The following CADPS2 variants were observed in gnomAD, a reference collection of about 807,000 sequenced individuals.
CADPS2 encodes the protein calcium-dependent secretion activator 2.
In CADPS2, 93 loss-of-function variants were observed where a neutral mutation model predicts 172.5. The observed-to-expected ratio is 0.54, with a 90% confidence interval of 0.46 to 0.64. The LOEUF (loss-of-function observed/expected upper bound fraction) is 0.64. Ranked by LOEUF, CADPS2 falls within the 30% of genes least tolerant of loss-of-function variation. The pLI, the probability that CADPS2 is intolerant of heterozygous loss-of-function variation, is 0.00. For synonymous variants in CADPS2, 546 were observed against 555.2 expected (o/e 0.98, Z 0.23); for missense variants, 1,420 against 1,565.9 (o/e 0.91, Z 1.57).
chr7:122,660,527 T>C (rs574088248), intron 3 of CADPS2, among the ~76,000 whole-genome samples: 1 of 151,618 alleles, frequency 6.6e-6, no homozygotes, highest in African/African-American at 2.4e-5. Flanking sequence ...TAAAATTTAA[T>C]CCAACTACAT....
intron 8 of CADPS2, among the ~76,000 whole-genome samples, chr7:122,519,200 C>T (rs749575897): frequency 2.0e-5 from 3 of 151,982 alleles, no homozygotes; most frequent in Non-Finnish European, 4.4e-5. Flanking sequence ...CACATATTTC[C>T]AAAGCTAATT....
rs569943178 is a variant in CADPS2 at position 122,579,091 on chromosome 7, C to A, written c.1335+2088G>T. On this transcript the variant is annotated intron_variant, in intron 7 of 29. Coordinates refer to ENST00000449022, the MANE Select transcript of CADPS2 (RefSeq NM_017954.11). ...GAGTACGGAAGTTGGATACACAAATCTGAATCTACAAGAAAAATAGTAACA... is the reference window on the plus strand; with the variant it reads ...GAGTACGGAAGTTGGATACACAAATATGAATCTACAAGAAAAATAGTAACA... Among the ~76,000 whole-genome samples the A allele has an allele frequency of 1.4e-4, 22 of 152,134 alleles. No individual in the cohort carries two copies. The East Asian group carries it at 3.9e-3, about 27-fold the overall frequency.
intron 1 of CADPS2, among the ~76,000 whole-genome samples, chr7:122,809,632 C>G (rs749236858): frequency 2.6e-5 from 4 of 151,708 alleles, no homozygotes; most frequent in Non-Finnish European, 4.4e-5. Flanking sequence ...TGATGTTCCC[C>G]AGTTAAATAT....
chr7:122,537,245 AG>A (rs1489649320), intron 8 of CADPS2, among the ~76,000 whole-genome samples: 3 of 151,752 alleles, frequency 2.0e-5, no homozygotes, highest in Non-Finnish European at 4.4e-5. Context: ...TATTTGTCCT[AG>A]GTTGTTTAGA....
chr7:122,596,717 T>C (rs2071853856), intron 6 of CADPS2, among the ~76,000 whole-genome samples: 1 of 151,974 alleles, frequency 6.6e-6, no homozygotes. Context: ...CAGAAGACAA[T>C]GATGTGCAGA....
chr7:122,431,484 G>A (rs147798394), intron 17 of CADPS2, among the ~76,000 whole-genome samples: 466 of 152,234 alleles, frequency 3.1e-3, no homozygotes, highest in Non-Finnish European at 5.1e-3. Context: ...ACCTGACATC[G>A]TGAGGAATGT....
intron 5 of CADPS2, among the ~76,000 whole-genome samples, chr7:122,619,368 G>A (rs1204520541): frequency 6.6e-6 from 1 of 151,100 alleles, no homozygotes. Flanking sequence ...TCTCAAGCCT[G>A]TAATCCTAGC....
Position 122,541,847 on chromosome 7 carries a change from T to TG in CADPS2, c.1475+12702_1475+12703insC, listed in dbSNP as rs1563649047. Among the ~76,000 whole-genome samples the TG allele has an allele frequency of 5.6e-3, 720 of 127,572 alleles. 7 individuals are homozygous for TG. Among genetic ancestry groups the TG allele is most frequent in the African/African-American group, 0.02 (670 of 33,160 alleles). The allele number at this position is 127,572 out of a possible 152,430, so 83.7% of individuals were successfully genotyped here. A position where few individuals can be genotyped will look rare whatever the true frequency, so the allele number is the denominator to read the frequency against. On this transcript the variant is annotated intron_variant, in intron 8 of 29. Coordinates refer to ENST00000449022, the MANE Select transcript of CADPS2 (RefSeq NM_017954.11). The stretch of plus-strand genomic sequence containing the variant: ...TTTATATATTCATATGTTTATATAT[T>TG]CATATATATTTATATATATGCATAT...
intron 2 of CADPS2, among the ~76,000 whole-genome samples, chr7:122,733,253 T>C (rs1219321554): frequency 6.6e-6 from 1 of 151,888 alleles, no homozygotes; most frequent in East Asian, 1.9e-4. Context: ...GTAATACTTT[T>C]AGAAAAAGAG....
chr7:122,655,946 T>G (rs2135143197), intron 3 of CADPS2, among the ~76,000 whole-genome samples: 1 of 152,188 alleles, frequency 6.6e-6, no homozygotes, highest in South Asian at 2.1e-4. Context: ...GAATAAAAAG[T>G]TGGGCAAGCT....
chr7:122,835,035 A>AG (rs1807912102), intron 1 of CADPS2, among the ~76,000 whole-genome samples: 1 of 152,188 alleles, frequency 6.6e-6, no homozygotes, highest in Admixed American at 6.5e-5. Context: ...GGCACCCCCC[A>AG]GGAGGGACAG....
intron 19 of CADPS2, chr7:122,413,097 T>C (rs2047499158): frequency 6.6e-6 from 1 of 152,336 alleles, no homozygotes; most frequent in Non-Finnish European, 1.5e-5. Flanking sequence ...GTTGCTCAAC[T>C]TTCTTGGGTC....
intron 7 of CADPS2, among the ~76,000 whole-genome samples, chr7:122,563,271 T>C (rs568419839): frequency 1.3e-5 from 2 of 152,306 alleles, no homozygotes; most frequent in East Asian, 3.9e-4. Flanking sequence ...GCATAACCTT[T>C]ACATTACTTT....
intron 14 of CADPS2, among the ~76,000 whole-genome samples, chr7:122,454,814 C>T (rs2053564416): frequency 1.3e-5 from 2 of 152,112 alleles, no homozygotes; most frequent in Non-Finnish European, 2.9e-5. Context: ...TTCCTGCCAG[C>T]TCTACCTTCA....
intron 11 of CADPS2, among the ~76,000 whole-genome samples, chr7:122,485,406 G>C (rs2057704735): frequency 6.6e-6 from 1 of 152,184 alleles, no homozygotes; most frequent in South Asian, 2.1e-4. Context: ...CAGCCTTATT[G>C]CTGATATGAA....
chr7:122,603,807 T>C (rs949927128), intron 6 of CADPS2, among the ~76,000 whole-genome samples: 1 of 152,156 alleles, frequency 6.6e-6, no homozygotes, highest in Non-Finnish European at 1.5e-5. Flanking sequence ...AAAATTCTAC[T>C]ACTGTATGAT....
chr7:122,397,954 T>C lies in CADPS2; in HGVS notation c.2747-4372A>G, dbSNP rs535390720. Among the ~76,000 whole-genome samples, 4 of 152,266 alleles carry C rather than the reference T, an allele frequency of 2.6e-5. No homozygotes were observed. The South Asian group carries it at 8.3e-4, about 32-fold the overall frequency. On this transcript the variant is annotated intron_variant, in intron 20 of 29. Transcript: ENST00000449022. ...TATTTTTCAGATAAAAAAATAACTT[T>C]TTTCCCGAAAAGATTCCATGTTTCC...
intron 6 of CADPS2, among the ~76,000 whole-genome samples, chr7:122,612,021 A>G (rs1367420634): frequency 1.3e-5 from 2 of 152,076 alleles, no homozygotes; most frequent in Admixed American, 6.6e-5. Flanking sequence ...TTTTCATTAT[A>G]AAAACAGTCA....
chr7:122,608,877 TA>T (rs1233724877), intron 6 of CADPS2, among the ~76,000 whole-genome samples: 29 of 152,032 alleles, frequency 1.9e-4, no homozygotes, highest in African/African-American at 7.0e-4. Flanking sequence ...ACTGGACACT[TA>T]AAAATTTGTT....
Sources: allele counts gnomAD v4.1 joint callset (sites outside exome capture counted in the v4.1 genomes callset), GRCh38; gene constraint gnomAD v4.1.1; transcripts MANE v1.5; gene names NCBI Gene and HGNC (gene_info 2026-07-23, HGNC 2026-07-21).